The following TSC22D1 variants were observed in gnomAD, a reference collection of about 807,000 sequenced individuals.
TSC22D1 encodes the protein TSC22 domain family protein 1.
A neutral mutation model predicts 74.2 loss-of-function variants in TSC22D1; 9 were observed. The ratio of observed to expected loss-of-function variants is 0.12; its 90% confidence interval spans 0.07 to 0.21. TSC22D1 has a LOEUF of 0.21. Among genes scored for constraint, TSC22D1 ranks in the 10% least tolerant of loss-of-function variants. TSC22D1 has a pLI of 1.00. For synonymous variants in TSC22D1, 586 were observed against 492.5 expected, an observed-to-expected ratio of 1.19 and a Z score of -2.51; for missense variants, 1,427 against 1,304.7, an observed-to-expected ratio of 1.09 and a Z score of -1.44.
At chr13:44,509,623 G>C (rs764630036) in intron 1 of TSC22D1, among the ~76,000 whole-genome samples, 9 of 152,168 alleles carry the variant, frequency 5.9e-5, no homozygotes, top group Admixed American at 2.0e-4. Context: ...CTGGGCGACA[G>C]AGCGAGACTC....
intron 1 of TSC22D1, among the ~76,000 whole-genome samples, chr13:44,443,764 C>A (rs1387171344): frequency 6.6e-6 from 1 of 152,046 alleles, no homozygotes; most frequent in Non-Finnish European, 1.5e-5. Context: ...AAATGTATGA[C>A]AAAGATAGAA....
chr13:44,555,313 A>G (rs1882560593), intron 1 of TSC22D1, among the ~76,000 whole-genome samples: 1 of 152,222 alleles, frequency 6.6e-6, no homozygotes, highest in East Asian at 1.9e-4. Flanking sequence ...CAAAAGACTA[A>G]TAAGAAATAC....
At chr13:44,447,682 AT>A (rs1875793635) in intron 1 of TSC22D1, among the ~76,000 whole-genome samples, 2 of 151,812 alleles carry the variant, frequency 1.3e-5, no homozygotes, top group African/African-American at 4.8e-5. Flanking sequence ...TTTTTTCTGT[AT>A]TTTTCTCTCT....
At chr13:44,520,606 T>C (rs1419739550) in intron 1 of TSC22D1, among the ~76,000 whole-genome samples, 1 of 152,190 alleles carries the variant, frequency 6.6e-6, no homozygotes, top group African/African-American at 2.4e-5. Context: ...AGGAAAAAGT[T>C]AAATATGAGA....
intron 1 of TSC22D1, among the ~76,000 whole-genome samples, chr13:44,460,939 G>T (rs1010627776): frequency 6.6e-6 from 1 of 152,166 alleles, no homozygotes; most frequent in Non-Finnish European, 1.5e-5. Context: ...TTAGCAGTAG[G>T]AATGATATAA....
In TSC22D1 at chr13:44,576,025, A is replaced by T. The variant is rs1884213782; in HGVS notation, c.50T>A (p.Ile17Asn). ...STAAAAAAAD[I>N]SARKMAHPAM... ...CGGGTGCGCCATCTTCCTAGCGCTA[A>T]TGTCTGCAGCGGCGGCGGCCGCGGC... The change falls in exon 1 of 3, where the codon ATT (isoleucine) becomes AAT (asparagine). Residue 17 changes from isoleucine to asparagine, a missense_variant. Physicochemically the swap from Ile to Asn is moderately radical, Grantham distance 149. Around this residue, in one of 3 missense-constraint regions of TSC22D1, gnomAD observed 1,343 missense variants for 1,191.5 expected, o/e 1.13. Transcript: ENST00000458659. 6.3e-7 allele frequency: 1 copy of T among 1,586,004 alleles called. No individual in the cohort carries two copies. Among genetic ancestry groups the T allele is most frequent in the Non-Finnish European group, 8.6e-7 (1 of 1,166,360 alleles).
intron 1 of TSC22D1, among the ~76,000 whole-genome samples, chr13:44,526,085 G>C (rs1315120680): frequency 6.6e-6 from 1 of 152,138 alleles, no homozygotes; most frequent in African/African-American, 2.4e-5. Flanking sequence ...CTGGATAACA[G>C]AGTGAGACCC....
Position 44,434,004 on chromosome 13 carries a change from G to T in TSC22D1, c.*622C>A. The stretch of plus-strand genomic sequence containing the variant: ...ATACAATAAGCAAAACAACCTTCAT[G>T]GTAAGATAGCCTAGGTCCCAGCTAC... On this transcript the variant is annotated 3_prime_UTR_variant, in exon 3 of 3. Coordinates refer to ENST00000458659, the MANE Select transcript of TSC22D1 (RefSeq NM_183422.4). 1 of 1,534,278 alleles carries T rather than the reference G, an allele frequency of 6.5e-7. No homozygotes were observed. Among genetic ancestry groups the T allele is most frequent in the South Asian group, 1.2e-5 (1 of 83,498 alleles).
chr13:44,444,840 C>T (rs543156598), intron 1 of TSC22D1, among the ~76,000 whole-genome samples: 86 of 152,146 alleles, frequency 5.7e-4, no homozygotes, highest in African/African-American at 2.0e-3. Context: ...CTTATAAAGA[C>T]ACAACCTACC....
intron 1 of TSC22D1, among the ~76,000 whole-genome samples, chr13:44,523,336 C>G (rs1880402576): frequency 6.6e-6 from 1 of 152,162 alleles, no homozygotes; most frequent in Non-Finnish European, 1.5e-5. Context: ...ACATAAAAAC[C>G]TGCACAGGAA....
At chr13:44,501,563 G>A (rs746591013) in intron 1 of TSC22D1, among the ~76,000 whole-genome samples, 16 of 144,020 alleles carry the variant, frequency 1.1e-4, no homozygotes, top group Non-Finnish European at 2.1e-4. Flanking sequence ...AGGCTAGGCC[G>A]GGTGGAGGGG....
intron 1 of TSC22D1, among the ~76,000 whole-genome samples, chr13:44,440,059 C>CTCT (rs1441050826): frequency 6.6e-6 from 1 of 152,230 alleles, no homozygotes; most frequent in African/African-American, 2.4e-5. Flanking sequence ...TTCTAGTTTA[C>CTCT]TCTCACTAGG....
At chr13:44,501,823 T>C (rs1020071958) in intron 1 of TSC22D1, among the ~76,000 whole-genome samples, 1 of 152,224 alleles carries the variant, frequency 6.6e-6, no homozygotes, top group African/African-American at 2.4e-5. Flanking sequence ...ACACATGTGC[T>C]GTGGGCTGAT....
intron 1 of TSC22D1, among the ~76,000 whole-genome samples, chr13:44,547,549 T>C (rs922469013): frequency 2.6e-5 from 4 of 152,282 alleles, no homozygotes; most frequent in Admixed American, 2.6e-4. Flanking sequence ...TGTTTATTCC[T>C]GCATTATTAA....
chr13:44,480,895 G>T lies in TSC22D1; in HGVS notation c.2913-44800C>A, dbSNP rs927920018. Among the ~76,000 whole-genome samples the T allele has an allele frequency of 3.3e-5, 5 of 152,304 alleles. No individual in the cohort carries two copies. The South Asian group carries it at 1.0e-3, about 32-fold the overall frequency. ...CAGGTCATAGAGATTATGGGGGGCTGCTGCCTACACCCTCTTCCCCTTGTG... is the reference window on the plus strand; with the variant it reads ...CAGGTCATAGAGATTATGGGGGGCTTCTGCCTACACCCTCTTCCCCTTGTG... On this transcript the variant is annotated intron_variant, in intron 1 of 2. Transcript: ENST00000458659.
chr13:44,436,412 T>C, intron 1 of TSC22D1: 1 of 1,454,054 alleles, frequency 6.9e-7, no homozygotes, highest in Non-Finnish European at 9.4e-7. Flanking sequence ...CTCTCAGCAA[T>C]GGACAAAGGA....
intron 1 of TSC22D1, among the ~76,000 whole-genome samples, chr13:44,518,906 CT>C (rs1452772202): frequency 6.6e-6 from 1 of 152,106 alleles, no homozygotes; most frequent in African/African-American, 2.4e-5. Flanking sequence ...GTGGTCAAAC[CT>C]TCTATACTTA....
At position 44,574,728 on chromosome 13, in the gene TSC22D1, C is replaced by T. The variant is rs370071882; in HGVS notation, c.1347G>A (p.Glu449=). Residue 449 remains glutamate, a synonymous_variant, in exon 1 of 3, where the codon GAG becomes GAA. Coordinates refer to ENST00000458659, the MANE Select transcript of TSC22D1 (RefSeq NM_183422.4). The part of the protein sequence containing the change: ...TEGVLINKVV[E]TVKQNPIEVT... ...CTTCTATCGGATTTTGCTTTACAGT[C>T]TCCACCACTTTATTTATCAGCACAC... is the stretch of plus-strand genomic sequence containing the variant. 6.2e-7 allele frequency: 1 copy of T among 1,613,816 alleles called. No homozygotes were observed. The highest frequency in any genetic ancestry group is 1.3e-5 in the African/African-American group (1 of 74,926).
chr13:44,436,215 C>T (rs755173395), intron 1 of TSC22D1, 120 bp from the exon 2 acceptor site: 62 of 1,173,350 alleles, frequency 5.3e-5, no homozygotes, highest in Non-Finnish European at 6.8e-5. Context: ...TTATTTAACA[C>T]TATGTAATGT....
Sources: gnomAD v4.1 joint callset for allele counts (sites outside exome capture counted in the v4.1 genomes callset) on GRCh38, gnomAD v4.1.1 for gene constraint, gnomAD v4.1.1 regional missense constraint, MANE v1.5 for transcripts, NCBI Gene and HGNC (gene_info 2026-07-23, HGNC 2026-07-21) for gene names.